Variants in MINDY4 observed in about 807,000 individuals in gnomAD.
MINDY4 encodes the protein MINDY lysine 48 deubiquitinase 4, also known as probable ubiquitin carboxyl-terminal hydrolase MINDY-4.
In MINDY4, 68 loss-of-function variants were observed where a neutral mutation model predicts 87.0. The observed-to-expected ratio is 0.78, with a 90% confidence interval of 0.64 to 0.96. The LOEUF is 0.96. Among genes scored for constraint, MINDY4 ranks in the 40% least tolerant of loss-of-function variants. MINDY4 has a pLI of 0.00. For missense variants in MINDY4, 919 were observed against 928.2 expected, an observed-to-expected ratio of 0.99 and a Z score of 0.13; for synonymous variants, 379 against 363.2, an observed-to-expected ratio of 1.04 and a Z score of -0.50.
At chr7:30,876,806 A>G (rs1051400351) in intron 15 of MINDY4, among the ~76,000 whole-genome samples, 1 of 152,156 alleles carries the variant, frequency 6.6e-6, no homozygotes, top group African/African-American at 2.4e-5. Context: ...ATGAGGCCTC[A>G]TTCACCACCT....
chr7:30,797,691 C>T (rs73300058), intron 5 of MINDY4, among the ~76,000 whole-genome samples: 75 of 152,216 alleles, frequency 4.9e-4, no homozygotes, highest in African/African-American at 1.8e-3. Flanking sequence ...CTTTGGAGGT[C>T]GAGCAGAGAC....
rs145944716 is a variant in MINDY4, at chr7:30,815,955, A to G, written c.1074-12724A>G. 1.4e-3 allele frequency among the ~76,000 whole-genome samples: 213 copies of G among 152,304 alleles called. 2 individuals carry two copies. Among genetic ancestry groups the G allele is most frequent in the African/African-American group, 5.0e-3 (209 of 41,564 alleles). On this transcript the variant is annotated intron_variant, in intron 5 of 17. Transcript: ENST00000265299. ...AATATCCAGCATGGGATAGATTAAA[A>G]TAAACCAAGATGAGAGTCAGGAGCT...
intron 16 of MINDY4, 58 bp from the exon 17 acceptor site, chr7:30,882,862 AC>A: frequency 6.5e-7 from 1 of 1,540,532 alleles, no homozygotes. Context: ...GTCAGCGCTG[AC>A]CTCAGGGTGA....
chr7:30,791,888 A>G (rs1359802184), intron 5 of MINDY4, among the ~76,000 whole-genome samples: 1 of 152,196 alleles, frequency 6.6e-6, no homozygotes, highest in Non-Finnish European at 1.5e-5. Flanking sequence ...TGAGCTAAAA[A>G]AAAATTGCAA....
chr7:30,782,330 G>C, intron 3 of MINDY4, 118 bp downstream of exon 3: 1 of 728,900 alleles, frequency 1.4e-6, no homozygotes, highest in Non-Finnish European at 2.2e-6. Context: ...TATAGTCTCT[G>C]TGTGTGTATG....
At chr7:30,864,903 G>A (rs751707554) in intron 13 of MINDY4, among the ~76,000 whole-genome samples, 20 of 152,348 alleles carry the variant, frequency 1.3e-4, no homozygotes, top group African/African-American at 3.6e-4. Flanking sequence ...TGCTCACCCC[G>A]TCAGAGACCC....
chr7:30,788,181 C>T lies in MINDY4; in HGVS notation c.663+2189C>T, dbSNP rs929008649. Among the ~76,000 whole-genome samples the T allele has an allele frequency of 3.9e-5, 6 of 152,154 alleles. No homozygotes were observed. The East Asian group carries it at 1.2e-3, about 29-fold the overall frequency. On this transcript the variant is annotated intron_variant, in intron 4 of 17. Coordinates refer to ENST00000265299, the MANE Select transcript of MINDY4 (RefSeq NM_032222.3). ...TGTATGAAGAAAATCTAGCCTCACA[C>T]AGATAAGCAGCTGGAAAAGGGAAAG...
intron 17 of MINDY4, among the ~76,000 whole-genome samples, chr7:30,885,121 T>G (rs1790588968): frequency 6.6e-6 from 1 of 152,230 alleles, no homozygotes. Flanking sequence ...TAATTCTATT[T>G]GTGTAGCACA....
intron 6 of MINDY4, among the ~76,000 whole-genome samples, chr7:30,834,120 G>A (rs571129644): frequency 3.3e-5 from 5 of 152,238 alleles, no homozygotes; most frequent in African/African-American, 7.2e-5. Context: ...TGGTGCCCCC[G>A]TAGGGATTCT....
At chr7:30,829,269 T>C (rs529849905) in intron 6 of MINDY4, among the ~76,000 whole-genome samples, 1 of 151,024 alleles carries the variant, frequency 6.6e-6, no homozygotes, top group Admixed American at 6.6e-5. Flanking sequence ...TTCCACTCTT[T>C]AGTTTTGAAG....
rs142479913 is a variant in MINDY4 at position 30,818,388 on chromosome 7, C to G, written c.1074-10291C>G. On this transcript the variant is annotated intron_variant, in intron 5 of 17. Coordinates refer to ENST00000265299, the MANE Select transcript of MINDY4 (RefSeq NM_032222.3). ...TCAAGGTTGTGGTAACCTCATTAAT[C>G]ATCATTATCTCAACTAACACGTAGC... Among the ~76,000 whole-genome samples, 1,170 of 152,290 alleles carry G rather than the reference C, an allele frequency of 7.7e-3. 14 individuals carry two copies. The highest frequency in any genetic ancestry group is 0.027 in the African/African-American group (1,110 of 41,554).
intron 6 of MINDY4, among the ~76,000 whole-genome samples, chr7:30,829,070 A>G (rs999776344): frequency 1.3e-5 from 2 of 152,222 alleles, no homozygotes; most frequent in Non-Finnish European, 1.5e-5. Context: ...AACAGTTCTC[A>G]TTCAAAGTAT....
chr7:30,853,372 C>G (rs768940108), intron 11 of MINDY4, 22 bp from the exon 12 acceptor site: 5 of 1,607,806 alleles, frequency 3.1e-6, no homozygotes, highest in Non-Finnish European at 4.3e-6. Context: ...GCCACTCATC[C>G]TGAGTGTTTG....
chr7:30,874,062 C>G (rs1790189464), intron 14 of MINDY4, among the ~76,000 whole-genome samples: 1 of 152,216 alleles, frequency 6.6e-6, no homozygotes, highest in Non-Finnish European at 1.5e-5. Context: ...GGCGAAAACA[C>G]CTCTATAAAC....
intron 9 of MINDY4, among the ~76,000 whole-genome samples, chr7:30,849,479 C>G (rs959533294): frequency 6.6e-6 from 1 of 152,214 alleles, no homozygotes; most frequent in African/African-American, 2.4e-5. Context: ...TCCCTTCCCT[C>G]TCATTCAGTT....
chr7:30,812,677 C>T (rs1788039430), intron 5 of MINDY4, among the ~76,000 whole-genome samples: 1 of 152,190 alleles, frequency 6.6e-6, no homozygotes, highest in South Asian at 2.1e-4. Context: ...ACAGCTTGCA[C>T]ATGTTTTCCA....
intron 12 of MINDY4, among the ~76,000 whole-genome samples, chr7:30,855,252 A>C (rs1012124140): frequency 4.6e-5 from 7 of 152,258 alleles, no homozygotes; most frequent in Non-Finnish European, 1.0e-4. Flanking sequence ...GCTCTTCATC[A>C]TCTAAGGGTG....
At chr7:30,828,269 CAT>C (rs1216779749) in intron 5 of MINDY4, among the ~76,000 whole-genome samples, 1 of 152,020 alleles carries the variant, frequency 6.6e-6, no homozygotes, top group Non-Finnish European at 1.5e-5. Flanking sequence ...AAACAAAAAA[CAT>C]AGAGATGAGA....
intron 12 of MINDY4, among the ~76,000 whole-genome samples, chr7:30,855,647 T>C (rs1427064322): frequency 6.6e-6 from 1 of 152,198 alleles, no homozygotes; most frequent in East Asian, 1.9e-4. Flanking sequence ...CATCCTTGTC[T>C]ATGAGATGGA....
Sources: allele counts gnomAD v4.1 joint callset (sites outside exome capture counted in the v4.1 genomes callset), GRCh38; gene constraint gnomAD v4.1.1; transcripts MANE v1.5; gene names NCBI Gene and HGNC (gene_info 2026-07-23, HGNC 2026-07-21).